The following KAZN variants were observed in gnomAD, a reference collection of about 807,000 sequenced individuals.
KAZN encodes kazrin.
KAZN carries 40 observed loss-of-function variants against 87.4 expected under a neutral mutation model. The observed-to-expected ratio is 0.46, with a 90% CI of 0.36 to 0.60. KAZN has a LOEUF of 0.60. Ranked by LOEUF, KAZN falls within the 20% of genes least tolerant of loss-of-function variation. KAZN has a pLI of 0.00. For missense variants in KAZN, 898 were observed against 1,073.9 expected, an observed-to-expected ratio of 0.84 and a Z score of 2.29; for synonymous variants, 466 against 458.3, an observed-to-expected ratio of 1.02 and a Z score of -0.22.
chr1:14,862,992 C>T (rs1328344004), intron 1 of KAZN, among the ~76,000 whole-genome samples: 1 of 152,184 alleles, frequency 6.6e-6, no homozygotes, highest in African/African-American at 2.4e-5. Context: ...AAAGGTGGAG[C>T]TGAGATTCGG....
intron 1 of KAZN, among the ~76,000 whole-genome samples, chr1:14,639,306 A>T (rs1339976364): frequency 1.3e-5 from 2 of 152,214 alleles, no homozygotes; most frequent in Non-Finnish European, 2.9e-5. Flanking sequence ...CCCCACTGAG[A>T]GTCCCCAGCC....
rs955195602 is a variant in KAZN, at chr1:14,050,759, C to T, written c.92-129676C>T. On this transcript the variant is annotated intron_variant, in intron 1 of 16. Transcript: ENST00000636203. ...CCCATTGAGCTCTCAGCCAGCCTTG[C>T]GGACAGGCCTGCCCATGTGCCAGTG... Among the ~76,000 whole-genome samples the T allele has an allele frequency of 6.7e-4, 102 of 152,266 alleles. 1 individual carries two copies. The highest frequency in any genetic ancestry group is 3.4e-4 in the Non-Finnish European group (23 of 68,022).
intron 2 of KAZN, among the ~76,000 whole-genome samples, chr1:14,502,138 T>TG (rs930128928): frequency 2.6e-5 from 4 of 151,804 alleles, no homozygotes; most frequent in African/African-American, 9.7e-5. Context: ...TTAATAAAGC[T>TG]GTTTTTTTTT....
intron 1 of KAZN, among the ~76,000 whole-genome samples, chr1:14,174,202 ACT>A (rs960807141): frequency 4.6e-5 from 7 of 152,284 alleles, no homozygotes; most frequent in African/African-American, 1.7e-4. Context: ...GTGGTAGCAC[ACT>A]CAAGCTTTGT....
intron 1 of KAZN, among the ~76,000 whole-genome samples, chr1:14,679,411 C>T (rs928741861): frequency 4.0e-5 from 6 of 151,816 alleles, no homozygotes; most frequent in Non-Finnish European, 7.4e-5. Context: ...AATGCCTGGC[C>T]CTGGGGTGAT....
At chr1:14,877,657 C>T (rs545626992) in intron 1 of KAZN, among the ~76,000 whole-genome samples, 1 of 152,308 alleles carries the variant, frequency 6.6e-6, no homozygotes, top group African/African-American at 2.4e-5. Context: ...GGACAAGGTT[C>T]TTTCTCCTCT....
chr1:14,795,919 G>A (rs1320678030), intron 1 of KAZN, among the ~76,000 whole-genome samples: 7 of 152,118 alleles, frequency 4.6e-5, no homozygotes, highest in African/African-American at 1.7e-4. Context: ...ACCCTCACCG[G>A]CACCCATTCT....
chr1:14,015,144 C>T (rs926714460), intron 1 of KAZN, among the ~76,000 whole-genome samples: 1 of 152,078 alleles, frequency 6.6e-6, no homozygotes, highest in African/African-American at 2.4e-5. Context: ...TAAAAACCAA[C>T]CTTTGAGAAA....
chr1:14,312,355 C>T (rs755782736), intron 2 of KAZN, among the ~76,000 whole-genome samples: 5 of 152,090 alleles, frequency 3.3e-5, no homozygotes, highest in Admixed American at 6.6e-5. Context: ...ACCTTCTAGC[C>T]GGCCCTGCGT....
chr1:14,226,338 C>A (rs1647291853), intron 2 of KAZN, among the ~76,000 whole-genome samples: 1 of 151,894 alleles, frequency 6.6e-6, no homozygotes, highest in African/African-American at 2.4e-5. Flanking sequence ...TAGAGAAATG[C>A]AAATCAAAAT....
At chr1:14,893,866 G>A (rs933919323) in intron 1 of KAZN, among the ~76,000 whole-genome samples, 4 of 152,108 alleles carry the variant, frequency 2.6e-5, no homozygotes, top group Middle Eastern at 3.2e-3. Context: ...TTACTGGGAC[G>A]TCTCAAAACT....
intron 1 of KAZN, among the ~76,000 whole-genome samples, chr1:14,148,833 C>T (rs893537505): frequency 6.6e-6 from 1 of 152,182 alleles, no homozygotes; most frequent in Non-Finnish European, 1.5e-5. Context: ...TCTAGGATGT[C>T]AACATCCGTA....
intron 1 of KAZN, among the ~76,000 whole-genome samples, chr1:14,155,701 G>A (rs1436545894): frequency 6.6e-6 from 1 of 152,024 alleles, no homozygotes; most frequent in Non-Finnish European, 1.5e-5. Flanking sequence ...CCAGGCTGGA[G>A]TGCAGTGGCA....
intron 1 of KAZN, among the ~76,000 whole-genome samples, chr1:14,837,717 AATTATT>A (rs112164362): frequency 4.6e-5 from 7 of 150,624 alleles, no homozygotes; most frequent in African/African-American, 9.7e-5. Flanking sequence ...ACCCCTGGAT[AATTATT>A]ATTATTATTA....
chr1:14,325,171 C>T (rs1248392947), intron 2 of KAZN, among the ~76,000 whole-genome samples: 3 of 151,178 alleles, frequency 2.0e-5, no homozygotes, highest in African/African-American at 7.4e-5. Flanking sequence ...TGTGTTTGTG[C>T]TCTCCCTCTC....
At chr1:13,950,995 T>C (rs375691835) in intron 1 of KAZN, among the ~76,000 whole-genome samples, 1 of 152,190 alleles carries the variant, frequency 6.6e-6, no homozygotes, top group Non-Finnish European at 1.5e-5. Context: ...TCTGGTCTTG[T>C]TGGGAAATGA....
At chr1:14,903,069 A>G (rs990299656) in intron 1 of KAZN, among the ~76,000 whole-genome samples, 1 of 151,760 alleles carries the variant, frequency 6.6e-6, no homozygotes, top group African/African-American at 2.4e-5. Flanking sequence ...GAGTTTCACC[A>G]TGTTGGCCAG....
At chr1:14,669,969 TGAG>T (rs1285223077) in intron 1 of KAZN, among the ~76,000 whole-genome samples, 3 of 152,102 alleles carry the variant, frequency 2.0e-5, no homozygotes, top group African/African-American at 7.2e-5. Context: ...ACCATTGACT[TGAG>T]GAGTCATCTT....
chr1:14,098,955 T>C (rs559134893), intron 1 of KAZN, among the ~76,000 whole-genome samples: 31 of 152,292 alleles, frequency 2.0e-4, no homozygotes, highest in African/African-American at 7.5e-4. Context: ...CATTAGCCCT[T>C]CCTGTTAGGG....
Sources: allele counts gnomAD v4.1 joint callset (sites outside exome capture counted in the v4.1 genomes callset), GRCh38; gene constraint gnomAD v4.1.1; transcripts MANE v1.5; gene names NCBI Gene and HGNC (gene_info 2026-07-23, HGNC 2026-07-21).